Variants in WDFY4 observed in about 807,000 individuals in gnomAD.
The protein encoded by WDFY4 is WD repeat- and FYVE domain-containing protein 4.
A neutral mutation model predicts 351.9 loss-of-function variants in WDFY4; 169 were observed. The ratio of observed to expected loss-of-function variants is 0.48; its 90% confidence interval spans 0.42 to 0.55. The LOEUF is 0.55. Among genes scored for constraint, WDFY4 ranks in the 20% least tolerant of loss-of-function variants. The pLI is 0.00. For synonymous variants in WDFY4, 1,622 were observed against 1,574.6 expected (o/e 1.03, Z -0.71); for missense variants, 3,803 against 3,935.6 (o/e 0.97, Z 0.90).
chr10:48,879,211 G>A (rs1024027554), intron 43 of WDFY4, among the ~76,000 whole-genome samples: 6 of 152,178 alleles, frequency 3.9e-5, no homozygotes, highest in Non-Finnish European at 8.8e-5. Context: ...GTTCTCAACT[G>A]GGGGCAACTC....
chr10:48,709,007 A>T (rs1215126973), intron 1 of WDFY4, among the ~76,000 whole-genome samples: 1 of 144,696 alleles, frequency 6.9e-6, no homozygotes, highest in South Asian at 2.2e-4. Context: ...AACAAACAAC[A>T]CCCCCCCCCC....
intron 47 of WDFY4, among the ~76,000 whole-genome samples, chr10:48,909,187 G>A (rs1399041850): frequency 1.3e-5 from 2 of 152,076 alleles, no homozygotes; most frequent in African/African-American, 4.8e-5. Flanking sequence ...AAATTTGGTT[G>A]TTTCCATTTT....
At chr10:48,808,435 G>T (rs1052487004) in intron 28 of WDFY4, among the ~76,000 whole-genome samples, 1 of 152,204 alleles carries the variant, frequency 6.6e-6, no homozygotes, top group African/African-American at 2.4e-5. Flanking sequence ...CTAAAATCAA[G>T]TGTAATCATA....
chr10:48,706,201 A>G (rs1002433493), intron 1 of WDFY4, among the ~76,000 whole-genome samples: 1 of 152,242 alleles, frequency 6.6e-6, no homozygotes, highest in African/African-American at 2.4e-5. Flanking sequence ...GGATTCATTT[A>G]TACTTTCATT....
chr10:48,690,774 C>G (rs1481707538), intron 1 of WDFY4, among the ~76,000 whole-genome samples: 1 of 152,228 alleles, frequency 6.6e-6, no homozygotes, highest in Non-Finnish European at 1.5e-5. Context: ...TCTCCATCCT[C>G]TGCTCTGTTC....
At chr10:48,694,205 G>A (rs1298778785) in intron 1 of WDFY4, among the ~76,000 whole-genome samples, 3 of 152,168 alleles carry the variant, frequency 2.0e-5, no homozygotes, top group Non-Finnish European at 4.4e-5. Flanking sequence ...TTCTCTGGGA[G>A]TTTGGAGGGT....
At chr10:48,885,714 T>TTC (rs71482870) in intron 43 of WDFY4, among the ~76,000 whole-genome samples, 24 of 150,416 alleles carry the variant, frequency 1.6e-4, no homozygotes, top group Admixed American at 6.0e-4. Context: ...TAAGGAGATG[T>TTC]TCTCTCTCTC....
chr10:48,759,319 C>T (rs1339918269), intron 12 of WDFY4, among the ~76,000 whole-genome samples: 1 of 152,204 alleles, frequency 6.6e-6, no homozygotes, highest in East Asian at 1.9e-4. Flanking sequence ...TTCATCCTTT[C>T]CTTAACACTT....
Position 48,822,513 on chromosome 10 carries a change from C to T in WDFY4, c.5958C>T (p.Leu1986=), listed in dbSNP as rs1315451261. 4.5e-6 allele frequency: 7 copies of T among 1,547,318 alleles called. No individual in the cohort carries two copies. The highest frequency in any genetic ancestry group is 2.7e-5 in the African/African-American group (2 of 72,986). The change falls in exon 35 of 62, where the codon CTC becomes CTT. Residue 1986 remains leucine, a synonymous_variant. Transcript: ENST00000325239. ...CGGCAGACCCCAGGCATATCCTCCT[C>T]TTCATCCTGGAGCACATCATGGTGG... ...MFSADPRHIL[L]FILEHIMVVI...
intron 45 of WDFY4, among the ~76,000 whole-genome samples, chr10:48,899,108 G>A (rs979501633): frequency 3.3e-5 from 5 of 150,876 alleles, no homozygotes; most frequent in Admixed American, 3.3e-4. Context: ...GTTTCCAGAG[G>A]GTTGGTTCAC....
At chr10:48,941,682 T>G in intron 47 of WDFY4, 124 bp from the exon 48 acceptor site, 1 of 933,838 alleles carries the variant, frequency 1.1e-6, no homozygotes, top group Non-Finnish European at 1.7e-6. Context: ...TGCTCTGGGA[T>G]TTGGGAAGTC....
At chr10:48,806,148 C>G (rs2067248391) in intron 27 of WDFY4, 53 bp downstream of exon 27, 1 of 1,511,118 alleles carries the variant, frequency 6.6e-7, no homozygotes, top group Non-Finnish European at 9.0e-7. Flanking sequence ...CACGGAACCC[C>G]TGAGAGGCCC....
chr10:48,977,593 G>C (rs1842630670), intron 59 of WDFY4, among the ~76,000 whole-genome samples: 1 of 152,260 alleles, frequency 6.6e-6, no homozygotes, highest in South Asian at 2.1e-4. Flanking sequence ...CCTGGGCTTG[G>C]TGGGGTGTGG....
Position 48,731,233 on chromosome 10 carries a change from G to T in WDFY4, c.1253G>T (p.Arg418Leu), listed in dbSNP as rs148176877. The T allele has an allele frequency of 1.3e-6, 2 of 1,551,778 alleles. No homozygotes were observed. Among genetic ancestry groups the T allele is most frequent in the Non-Finnish European group, 1.7e-6 (2 of 1,147,056 alleles). ...AGGACCATGTGGGCCTGGAATGCTC[G>T]AAACTTCTTCCTGCTGGAGTGGACC... ...VIRTMWAWNARNFFLLEWTLQ... is the reference protein window; with the variant it reads ...VIRTMWAWNALNFFLLEWTLQ... The change falls in exon 9 of 62, where the codon CGA becomes CTA. Residue 418 changes from arginine (R) to leucine (L), a missense_variant. Arg to Leu is a moderately radical substitution (Grantham distance 102). Around this residue, in one of 3 missense-constraint regions of WDFY4, gnomAD observed 261 missense variants for 330.2 expected, o/e 0.79. Coordinates refer to ENST00000325239, the MANE Select transcript of WDFY4 (RefSeq NM_001394531.1).
intron 31 of WDFY4, among the ~76,000 whole-genome samples, chr10:48,816,235 C>T (rs2067616511): frequency 6.6e-6 from 1 of 152,150 alleles, no homozygotes; most frequent in Admixed American, 6.5e-5. Context: ...CCTTCTTGGA[C>T]TCTCTTGTGA....
At chr10:48,890,387 G>C (rs974439264) in intron 43 of WDFY4, among the ~76,000 whole-genome samples, 192 bp from the exon 44 acceptor site, 5 of 152,146 alleles carry the variant, frequency 3.3e-5, no homozygotes, top group African/African-American at 1.2e-4. Flanking sequence ...ACCAGCCCAG[G>C]TGGGGTGTGG....
chr10:48,946,760 T>C (rs1841063048), intron 50 of WDFY4, 100 bp from the exon 51 acceptor site: 2 of 854,530 alleles, frequency 2.3e-6, no homozygotes, highest in East Asian at 2.7e-5. Flanking sequence ...TCAATGAATA[T>C]ATGTTTTTAA....
rs1194958591 is a variant in WDFY4 at position 48,778,686 on chromosome 10, C to T, written c.3251C>T (p.Ala1084Val). 1 of 1,551,546 alleles carries T rather than the reference C, an allele frequency of 6.4e-7. No individual in the cohort carries two copies. Among genetic ancestry groups the T allele is most frequent in the Non-Finnish European group, 8.7e-7 (1 of 1,147,026 alleles). Residue 1084 changes from alanine to valine, a missense_variant, in exon 18 of 62, where the codon GCC (alanine) becomes GTC (valine). Around this residue, in one of 3 missense-constraint regions of WDFY4, gnomAD observed 3,054 missense variants for 3,148.6 expected, o/e 0.97. Coordinates refer to ENST00000325239, the MANE Select transcript of WDFY4 (RefSeq NM_001394531.1). ...CWFLISRHGA[A>V]TEGHPLRFLT... ...TTCCTGATCAGCCGGCATGGAGCTG[C>T]CACTGAGGGCCACCCGCTGCGCTTC... is the stretch of plus-strand genomic sequence containing the variant.
intron 47 of WDFY4, chr10:48,935,245 T>G (rs553592126): frequency 1.3e-5 from 2 of 152,382 alleles, no homozygotes; most frequent in Admixed American, 1.3e-4. Context: ...ACTTAGGACC[T>G]GGAGGTCATT....
Sources: gnomAD v4.1 joint callset for allele counts (sites outside exome capture counted in the v4.1 genomes callset) on GRCh38, gnomAD v4.1.1 for gene constraint, gnomAD v4.1.1 regional missense constraint, MANE v1.5 for transcripts, NCBI Gene and HGNC (gene_info 2026-07-23, HGNC 2026-07-21) for gene names.